Variants in PRSS23 observed in about 807,000 individuals in gnomAD.
PRSS23 encodes the protein protease, serine 23.
In PRSS23, 25 loss-of-function variants were observed where a neutral mutation model predicts 34.7. The observed-to-expected ratio is 0.72, with a 90% confidence interval of 0.53 to 1.01. The LOEUF (loss-of-function observed/expected upper bound fraction) is 1.01, where lower values mean the gene tolerates loss of function less well. Among genes scored for constraint, PRSS23 ranks in the 50% least tolerant of loss-of-function variants. PRSS23 has a pLI of 0.00. For synonymous variants in PRSS23, 176 were observed against 186.6 expected (o/e 0.94, Z 0.46); for missense variants, 445 against 475.6 (o/e 0.94, Z 0.60).
rs60869425 is a variant in PRSS23, at chr11:86,900,781, C to CTTTTTT, written c.207-50419_207-50414dup. The stretch of plus-strand genomic sequence containing the variant: ...AATTTCAGCATTATTATCTCTCTCT[C>CTTTTTT]TTTTTTTTTTTTTTTTTTTTTGAGA... On this transcript the variant is annotated intron_variant, in intron 2 of 2. Transcript: ENST00000533902. 4.1e-3 allele frequency among the ~76,000 whole-genome samples: 388 copies of CTTTTTT among 94,018 alleles called. 3 individuals carry two copies. Among genetic ancestry groups the CTTTTTT allele is most frequent in the Middle Eastern group, 0.01 (1 of 96 alleles). The allele number at this position is 94,018 out of a possible 152,430, so 61.7% of individuals were successfully genotyped here. A position where few individuals can be genotyped will look rare whatever the true frequency, so the allele number is the denominator to read the frequency against.
At chr11:86,949,747 G>T (rs1451021553) in intron 2 of PRSS23, 1 of 152,678 alleles carries the variant, frequency 6.5e-6, no homozygotes, top group East Asian at 1.9e-4. Context: ...ATTTCATATG[G>T]TCTACACTTT....
At chr11:86,805,148 C>T (rs1406288520) in intron 1 of PRSS23, among the ~76,000 whole-genome samples, 5 of 152,128 alleles carry the variant, frequency 3.3e-5, no homozygotes, top group Non-Finnish European at 1.5e-5. Context: ...CCTCCTAGTC[C>T]CTGTCACATT....
At chr11:86,835,390 A>G (rs1948396754) in intron 2 of PRSS23, among the ~76,000 whole-genome samples, 1 of 152,028 alleles carries the variant, frequency 6.6e-6, no homozygotes, top group African/African-American at 2.4e-5. Flanking sequence ...CTGTGTAAGG[A>G]CTCCTAGAGC....
intron 2 of PRSS23, chr11:86,910,855 G>C (rs1021354334): frequency 6.6e-6 from 1 of 152,088 alleles, no homozygotes; most frequent in Non-Finnish European, 1.5e-5. Context: ...GTGGGAGAAA[G>C]GTTTTTGGTT....
At chr11:86,888,195 CTT>C (rs1362572336) in intron 2 of PRSS23, among the ~76,000 whole-genome samples, 1 of 150,838 alleles carries the variant, frequency 6.6e-6, no homozygotes, top group African/African-American at 2.4e-5. Context: ...CCCTAGAAGG[CTT>C]TACAGGGGAG....
chr11:86,827,459 A>G (rs569147118), intron 2 of PRSS23, among the ~76,000 whole-genome samples: 1 of 152,018 alleles, frequency 6.6e-6, no homozygotes. Flanking sequence ...TGGATTCATT[A>G]ATTTTTTGAA....
rs1487169646 is a variant in PRSS23 at position 86,809,684 on chromosome 11, T to A, written c.*889T>A. 1 of 167,004 alleles carries A rather than the reference T, an allele frequency of 6.0e-6. No individual in the cohort carries two copies. The highest frequency in any genetic ancestry group is 1.5e-5 in the Non-Finnish European group (1 of 68,104). 10.3% of individuals were successfully genotyped at this position (167,004 alleles called of 1,614,324 possible). On this transcript the variant is annotated 3_prime_UTR_variant, in exon 2 of 2. Coordinates refer to ENST00000280258, the MANE Select transcript of PRSS23 (RefSeq NM_007173.6). ...ACAGTTGTGGCCACACTAAAAACAA[T>A]CATAGCATTTTACCCCTGGATTATA...
chr11:86,900,399 G>C (rs565653262), intron 2 of PRSS23, among the ~76,000 whole-genome samples: 15 of 152,322 alleles, frequency 9.8e-5, no homozygotes, highest in African/African-American at 3.6e-4. Flanking sequence ...GCTGTGTACT[G>C]CTTTTCTTAA....
chr11:86,826,725 G>A (rs910644417), intron 2 of PRSS23, among the ~76,000 whole-genome samples: 3 of 152,092 alleles, frequency 2.0e-5, no homozygotes, highest in Admixed American at 6.5e-5. Flanking sequence ...TTTGTCAAAG[G>A]CCTTTTCTGC....
intron 2 of PRSS23, among the ~76,000 whole-genome samples, chr11:86,829,140 G>A (rs1590882478): frequency 6.6e-6 from 1 of 152,316 alleles, no homozygotes; most frequent in African/African-American, 2.4e-5. Context: ...CCAGTCAGAT[G>A]TAGATTTGGT....
At chr11:86,900,781 C>CTCTT (rs775258446) in intron 2 of PRSS23, among the ~76,000 whole-genome samples, 3 of 94,020 alleles carry the variant, frequency 3.2e-5, no homozygotes, top group African/African-American at 1.3e-4. Context: ...ATCTCTCTCT[C>CTCTT]TTTTTTTTTT....
rs761689986 is a variant in PRSS23, at chr11:86,950,611, C to T, written c.207-605C>T. 8 of 182,490 alleles carry T rather than the reference C, an allele frequency of 4.4e-5. No individual in the cohort carries two copies. In the East Asian group the frequency reaches 5.3e-4, roughly 12 times the overall value. The allele number at this position is 182,490 out of a possible 1,614,324, so 11.3% of individuals were successfully genotyped here. On this transcript the variant is annotated intron_variant, in intron 2 of 2. Coordinates refer to the PRSS23 transcript ENST00000533902. ...CCACAAAGTTCTAAACAGCAGACAG[C>T]GCACCACAGAAGATGTTTATGTTAC... is the stretch of plus-strand genomic sequence containing the variant.
At chr11:86,933,674 G>A (rs1247634590) in intron 2 of PRSS23, 1 of 152,254 alleles carries the variant, frequency 6.6e-6, no homozygotes, top group Non-Finnish European at 1.5e-5. Context: ...AGTGGGAAGA[G>A]TGCGGCTCAG....
intron 2 of PRSS23, among the ~76,000 whole-genome samples, chr11:86,848,370 C>G (rs1190735750): frequency 6.6e-6 from 1 of 152,168 alleles, no homozygotes; most frequent in Admixed American, 6.5e-5. Flanking sequence ...GGAAAAATTG[C>G]CCACAGGGGA....
chr11:86,908,599 T>C (rs1948958411), intron 2 of PRSS23, among the ~76,000 whole-genome samples: 2 of 152,184 alleles, frequency 1.3e-5, no homozygotes, highest in African/African-American at 4.8e-5. Context: ...TTCAACACTA[T>C]GGGATACTGT....
intron 2 of PRSS23, chr11:86,912,091 A>C (rs1434609422): frequency 2.0e-5 from 3 of 152,200 alleles, no homozygotes; most frequent in Non-Finnish European, 2.9e-5. Context: ...AGTGGATTTT[A>C]AAATGTTTTT....
At chr11:86,879,966 C>G (rs1214945329) in intron 2 of PRSS23, among the ~76,000 whole-genome samples, 15 of 151,860 alleles carry the variant, frequency 9.9e-5, no homozygotes, top group African/African-American at 3.1e-4. Context: ...TCATTGAGAA[C>G]GGGCCATGAT....
intron 2 of PRSS23, among the ~76,000 whole-genome samples, chr11:86,824,609 C>T (rs1478704425): frequency 1.4e-5 from 2 of 144,900 alleles, no homozygotes; most frequent in African/African-American, 5.1e-5. Flanking sequence ...AGGTATATCT[C>T]CTAAAGCTAT....
intron 2 of PRSS23, among the ~76,000 whole-genome samples, chr11:86,916,919 T>C (rs1320100075): frequency 3.3e-5 from 5 of 152,258 alleles, no homozygotes; most frequent in Admixed American, 3.3e-4. Context: ...TATACCTTTC[T>C]GTATCCGTAC....
Sources: gnomAD v4.1 joint callset for allele counts (sites outside exome capture counted in the v4.1 genomes callset) on GRCh38, gnomAD v4.1.1 for gene constraint, MANE v1.5 for transcripts, NCBI Gene and HGNC (gene_info 2026-07-23, HGNC 2026-07-21) for gene names.